Variants in CACNA1E observed in about 807,000 individuals in gnomAD.
CACNA1E encodes calcium voltage-gated channel subunit alpha1 E.
A neutral mutation model predicts 259.2 loss-of-function variants in CACNA1E; 40 were observed. The ratio of observed to expected loss-of-function variants is 0.15; its 90% CI spans 0.12 to 0.20. The LOEUF (loss-of-function observed/expected upper bound fraction) is 0.20. Among genes scored for constraint, CACNA1E ranks in the 10% least tolerant of loss-of-function variants. The pLI, the probability that CACNA1E is intolerant of heterozygous loss-of-function variation, is 1.00. For synonymous variants in CACNA1E, 1,104 were observed against 1,138.5 expected (o/e 0.97, Z 0.61); for missense variants, 1,874 against 3,040.1 (o/e 0.62, Z 9.02).
intron 1 of CACNA1E, among the ~76,000 whole-genome samples, chr1:181,498,105 C>G (rs1030047787): frequency 6.6e-6 from 1 of 152,180 alleles, no homozygotes; most frequent in African/African-American, 2.4e-5. Context: ...GAAGTCTACC[C>G]TCAGTCCTTT....
At chr1:181,794,550 G>A (rs1455086464) in intron 45 of CACNA1E, among the ~76,000 whole-genome samples, 1 of 152,264 alleles carries the variant, frequency 6.6e-6, no homozygotes, top group Non-Finnish European at 1.5e-5. Flanking sequence ...GCCTGGCTGC[G>A]CCCCATGGTA....
chr1:181,775,527 C>G (rs1037744532), intron 37 of CACNA1E, among the ~76,000 whole-genome samples: 4 of 152,190 alleles, frequency 2.6e-5, no homozygotes, highest in African/African-American at 9.7e-5. Flanking sequence ...CTCTAAACCC[C>G]TTTAGTAGTT....
intron 1 of CACNA1E, among the ~76,000 whole-genome samples, chr1:181,325,976 C>G (rs891075088): frequency 6.6e-6 from 1 of 152,176 alleles, no homozygotes; most frequent in Non-Finnish European, 1.5e-5. Context: ...CCTTGCACTC[C>G]GCGTGCACTG....
intron 3 of CACNA1E, among the ~76,000 whole-genome samples, chr1:181,544,399 C>T: frequency 1.1e-5 from 1 of 90,586 alleles, no homozygotes; most frequent in East Asian, 3.3e-4. Flanking sequence ...CCTGAATATA[C>T]TAAAAAAAAA....
rs1256519352 is a variant in CACNA1E, at chr1:181,731,182, A to G, written c.2248A>G (p.Arg750Gly). The G allele has an allele frequency of 9.3e-6, 15 of 1,613,606 alleles. No homozygotes were observed. The highest frequency in any genetic ancestry group is 2.7e-5 in the African/African-American group (2 of 75,054). ...APNMPSIERDRRRRHHMSMWE... is the reference protein window; with the variant it reads ...APNMPSIERDGRRRHHMSMWE... ...TCCATTTTTCTTCCCCAGAAGAGAC[A>G]GAAGGAGAAGACACCACATGTCGAT... Residue 750 changes from arginine (R) to glycine (G), a missense_variant, in exon 19 of 48, where the codon AGA becomes GGA. By Grantham distance (125) the Arg-to-Gly change is moderately radical. Transcript: ENST00000367573.
At position 181,495,366 on chromosome 1, in the gene CACNA1E, C is replaced by G. The variant is rs1312441741; in HGVS notation, c.266+11356C>G. On this transcript the variant is annotated intron_variant, in intron 1 of 47. Coordinates refer to ENST00000367573, the MANE Select transcript of CACNA1E (RefSeq NM_001205293.3). ...GTGTGCCTCAGGCAACCTGCTTACC[C>G]TTGCAGTGCCTTGGATTTTTCAAAT... Among the ~76,000 whole-genome samples the G allele has an allele frequency of 2.6e-5, 4 of 152,318 alleles. No homozygotes were observed. In the East Asian group the frequency reaches 7.7e-4, roughly 29 times the overall value.
intron 3 of CACNA1E, among the ~76,000 whole-genome samples, chr1:181,538,587 T>C (rs776543515): frequency 1.3e-5 from 2 of 152,138 alleles, no homozygotes; most frequent in East Asian, 1.9e-4. Context: ...CAAGAAGCAA[T>C]TGCAATACAT....
At chr1:181,753,275 A>C (rs1392104536) in intron 27 of CACNA1E, among the ~76,000 whole-genome samples, 1 of 152,194 alleles carries the variant, frequency 6.6e-6, no homozygotes, top group Non-Finnish European at 1.5e-5. Flanking sequence ...GTACTTCTTA[A>C]AATCCAGATT....
At chr1:181,790,341 TTTACA>T (rs1417743927) in intron 43 of CACNA1E, 99 bp from the exon 44 acceptor site, 1 of 621,378 alleles carries the variant, frequency 1.6e-6, no homozygotes, top group African/African-American at 1.9e-5. Context: ...AGTTACTAGG[TTTACA>T]AAAGCCAGCC....
intron 7 of CACNA1E, among the ~76,000 whole-genome samples, chr1:181,674,126 T>C (rs1159295966): frequency 1.3e-5 from 2 of 149,104 alleles, no homozygotes; most frequent in Non-Finnish European, 3.0e-5. Context: ...ATGCCTATAA[T>C]CCTAGCACCT....
At chr1:181,681,087 G>C (rs749538517) in intron 7 of CACNA1E, among the ~76,000 whole-genome samples, 2 of 152,220 alleles carry the variant, frequency 1.3e-5, no homozygotes, top group African/African-American at 4.8e-5. Context: ...AATGAGTCAC[G>C]TGGCCGTGCC....
At chr1:181,651,516 C>T (rs748288047) in intron 7 of CACNA1E, 75 bp downstream of exon 7, 9 of 998,486 alleles carry the variant, frequency 9.0e-6, no homozygotes, top group Non-Finnish European at 1.4e-5. Context: ...TGACTCATGG[C>T]AGATTCATTC....
At chr1:181,794,725 G>C in intron 45 of CACNA1E, 139 bp from the exon 46 acceptor site, 1 of 668,586 alleles carries the variant, frequency 1.5e-6, no homozygotes, top group Non-Finnish European at 2.6e-6. Context: ...GTTTGAGCAA[G>C]AGAGATTCAA....
At chr1:181,328,256 G>T (rs950627401) in intron 1 of CACNA1E, among the ~76,000 whole-genome samples, 1 of 152,126 alleles carries the variant, frequency 6.6e-6, no homozygotes, top group Non-Finnish European at 1.5e-5. Flanking sequence ...TGGTGGAAAG[G>T]TAAGGAGCTC....
intron 7 of CACNA1E, among the ~76,000 whole-genome samples, chr1:181,695,776 G>A (rs552397327): frequency 9.9e-5 from 15 of 152,244 alleles, no homozygotes; most frequent in African/African-American, 2.6e-4. Flanking sequence ...CCAACATGGC[G>A]AAACCCCATC....
At position 181,720,297 on chromosome 1, in the gene CACNA1E, G is replaced by A. The variant is rs746915512; in HGVS notation, c.1843G>A (p.Val615Ile). 1.9e-5 allele frequency: 31 copies of A among 1,613,530 alleles called. No homozygotes were observed. The highest frequency in any genetic ancestry group is 2.3e-5 in the Non-Finnish European group (27 of 1,179,784). Reference sequence around the variant, plus strand: ...GCTTTTCCTCCTCTTCCTCTTCATCGTTGTCTTTGCTCTCCTAGGAATGCA... The same window carrying A: ...GCTTTTCCTCCTCTTCCTCTTCATCATTGTCTTTGCTCTCCTAGGAATGCA... The part of the protein sequence containing the change: ...SLLFLLFLFI[V>I]VFALLGMQLF... Residue 615 changes from valine (V) to isoleucine (I), a missense_variant, in exon 14 of 48, where the codon GTT (valine) becomes ATT (isoleucine). By Grantham distance (29) the Val-to-Ile change is conservative (BLOSUM62 3). This residue lies in a region of CACNA1E where 102 missense variants were observed against 279.4 expected (regional missense o/e 0.37). Coordinates refer to ENST00000367573, the MANE Select transcript of CACNA1E (RefSeq NM_001205293.3).
At chr1:181,597,863 C>T (rs1653350590) in intron 6 of CACNA1E, among the ~76,000 whole-genome samples, 1 of 152,204 alleles carries the variant, frequency 6.6e-6, no homozygotes, top group Admixed American at 6.5e-5. Flanking sequence ...GAGACTCATT[C>T]ACTGTCACGA....
intron 1 of CACNA1E, among the ~76,000 whole-genome samples, chr1:181,365,612 G>GTCAGT (rs1390179752): frequency 6.6e-6 from 1 of 152,242 alleles, no homozygotes; most frequent in Admixed American, 6.5e-5. Context: ...GGCCGGGGTG[G>GTCAGT]TCAGTTCAGT....
At position 181,772,202 on chromosome 1, in the gene CACNA1E, G is replaced by A. The variant is rs2102771532; in HGVS notation, c.5110G>A (p.Val1704Ile). Residue 1704 changes from valine to isoleucine, a missense_variant, in exon 37 of 48, where the codon GTC becomes ATC. This residue lies in a region of CACNA1E where 147 missense variants were observed against 337.1 expected (regional missense o/e 0.44). Coordinates refer to ENST00000367573, the MANE Select transcript of CACNA1E (RefSeq NM_001205293.3). ...CACCGATCTGGCCTACGTGTACTTT[G>A]TCTCCTTCATCTTCTTCTGCTCCTT... ...CGTDLAYVYFVSFIFFCSFLM... is the reference protein window; with the variant it reads ...CGTDLAYVYFISFIFFCSFLM... 6.2e-7 allele frequency: 1 copy of A among 1,613,860 alleles called. No homozygotes were observed. Among genetic ancestry groups the A allele is most frequent in the Non-Finnish European group, 8.5e-7 (1 of 1,179,798 alleles).
Sources: allele counts gnomAD v4.1 joint callset (sites outside exome capture counted in the v4.1 genomes callset), GRCh38; gene constraint gnomAD v4.1.1; regional missense constraint gnomAD v4.1.1; transcripts MANE v1.5; gene names NCBI Gene and HGNC (gene_info 2026-07-23, HGNC 2026-07-21).